Variants in LDB3 observed in about 807,000 individuals in gnomAD.
The protein encoded by LDB3 is LIM domain binding 3.
Under a neutral mutation model 69.0 loss-of-function variants are expected in LDB3, and 49 were observed. That is an observed-to-expected ratio of 0.71 (90% CI 0.56 to 0.90). The LOEUF is 0.90. Among genes scored for constraint, LDB3 ranks in the 40% least tolerant of loss-of-function variants. The pLI is 0.00. For missense variants in LDB3, 928 were observed against 974.1 expected (o/e 0.95, Z 0.63); for synonymous variants, 387 against 396.2 (o/e 0.98, Z 0.28).
intron 7 of LDB3, among the ~76,000 whole-genome samples, chr10:86,694,048 C>T (rs1038475068): frequency 6.6e-6 from 1 of 152,158 alleles, no homozygotes; most frequent in Admixed American, 6.5e-5. Flanking sequence ...TGCTTCCCTC[C>T]GATATGCAAG....
intron 2 of LDB3, among the ~76,000 whole-genome samples, chr10:86,669,085 C>T (rs1844317669): frequency 6.6e-6 from 1 of 152,190 alleles, no homozygotes; most frequent in African/African-American, 2.4e-5. Flanking sequence ...GAGAGTACAG[C>T]ACCTTCCTGA....
intron 7 of LDB3, among the ~76,000 whole-genome samples, chr10:86,703,835 C>T (rs778405286): frequency 5.3e-5 from 8 of 152,250 alleles, no homozygotes; most frequent in Non-Finnish European, 1.0e-4. Flanking sequence ...GACTCTTGGC[C>T]GGGTGCAGTG....
chr10:86,703,851 C>T lies in LDB3; in HGVS notation c.897-2680C>T, dbSNP rs551848631. On this transcript the variant is annotated intron_variant, in intron 7 of 13. Coordinates refer to ENST00000361373, the MANE Select transcript of LDB3 (RefSeq NM_007078.3). ...ACTCTTGGCCGGGTGCAGTGGCTCA[C>T]GCCTGTAATCCCAGCACTTTGGGAG... 1.6e-3 allele frequency among the ~76,000 whole-genome samples: 241 copies of T among 152,248 alleles called. 1 individual carries two copies. Among genetic ancestry groups the T allele is most frequent in the African/African-American group, 5.4e-3 (225 of 41,542 alleles).
chr10:86,679,543 G>A lies in LDB3; in HGVS notation c.245+25G>A, dbSNP rs768990587. 1.1e-5 allele frequency: 18 copies of A among 1,612,968 alleles called. 1 individual carries two copies. In the Admixed American group the frequency reaches 3.0e-4, roughly 27 times the overall value. On this transcript the variant is annotated intron_variant, in intron 3 of 13. Coordinates refer to ENST00000361373, the MANE Select transcript of LDB3 (RefSeq NM_007078.3). ...AGTAGGTGGGAGCTCTCCAGAGCAGGGGGCGGAGGTTTGGGTGTGGGCATG... is the reference window on the plus strand; with the variant it reads ...AGTAGGTGGGAGCTCTCCAGAGCAGAGGGCGGAGGTTTGGGTGTGGGCATG...
At chr10:86,715,199 C>T (rs902817299) in intron 9 of LDB3, among the ~76,000 whole-genome samples, 5 of 152,142 alleles carry the variant, frequency 3.3e-5, no homozygotes, top group Non-Finnish European at 1.5e-5. Context: ...GGTGCAGGGA[C>T]TGCCTCAATG....
chr10:86,703,081 G>A (rs2132450451), intron 7 of LDB3, among the ~76,000 whole-genome samples: 1 of 152,298 alleles, frequency 6.6e-6, no homozygotes, highest in South Asian at 2.1e-4. Context: ...CAGTGAATTG[G>A]AGCCAAGGAG....
At chr10:86,704,951 G>A (rs1846391738) in intron 7 of LDB3, among the ~76,000 whole-genome samples, 1 of 150,656 alleles carries the variant, frequency 6.6e-6, no homozygotes, top group Non-Finnish European at 1.5e-5. Flanking sequence ...CCCGACCTCA[G>A]GTGATCCACC....
intron 6 of LDB3, 140 bp from the exon 7 acceptor site, chr10:86,692,395 C>A (rs1845808726): frequency 4.4e-6 from 4 of 908,206 alleles, no homozygotes; most frequent in Non-Finnish European, 5.5e-6. Context: ...GGCCTCTGCC[C>A]AGCACACAGT....
intron 5 of LDB3, among the ~76,000 whole-genome samples, chr10:86,688,423 G>T (rs1161136026): frequency 1.3e-5 from 2 of 152,124 alleles, no homozygotes; most frequent in African/African-American, 2.4e-5. Flanking sequence ...AACAGTGTGG[G>T]CTCTCTGGGC....
At position 86,716,432 on chromosome 10, in the gene LDB3, C is replaced by T. The variant is rs200476126; in HGVS notation, c.1337C>T (p.Thr446Ile). 6 of 1,564,690 alleles carry T rather than the reference C, an allele frequency of 3.8e-6. No individual in the cohort carries two copies. The South Asian group carries it at 6.9e-5, about 18-fold the overall frequency. Residue 446 changes from threonine (T) to isoleucine (I), a missense_variant, in exon 10 of 14, where the codon ACC becomes ATC. By Grantham distance (89) the Thr-to-Ile change is moderately conservative (BLOSUM62 -1). Coordinates refer to ENST00000361373, the MANE Select transcript of LDB3 (RefSeq NM_007078.3). ...AYTPSPAPAYTPSPVPTYTPS... is the reference protein window; with the variant it reads ...AYTPSPAPAYIPSPVPTYTPS... ...ACCCCCTCCCCTGCCCCTGCCTACA[C>T]CCCCTCACCTGTCCCCACCTACACT...
chr10:86,730,025 C>A (rs552599299), intron 13 of LDB3, among the ~76,000 whole-genome samples: 1 of 152,166 alleles, frequency 6.6e-6, no homozygotes, highest in Non-Finnish European at 1.5e-5. Context: ...GGCCTCCACA[C>A]GAGCCTGGTT....
chr10:86,693,344 T>C (rs1845860572), intron 7 of LDB3, among the ~76,000 whole-genome samples: 1 of 152,222 alleles, frequency 6.6e-6, no homozygotes, highest in Non-Finnish European at 1.5e-5. Flanking sequence ...ATATGTCATC[T>C]GCATGTTCTT....
chr10:86,675,842 G>A (rs1844765666), intron 2 of LDB3, among the ~76,000 whole-genome samples: 1 of 152,220 alleles, frequency 6.6e-6, no homozygotes, highest in African/African-American at 2.4e-5. Flanking sequence ...CTGCAAAAAT[G>A]TCTATAATAA....
rs568500859 is a variant in LDB3, at chr10:86,711,354, G to A, written c.1231+1304G>A. 1.8e-3 allele frequency among the ~76,000 whole-genome samples: 269 copies of A among 152,120 alleles called. 1 individual carries two copies. The highest frequency in any genetic ancestry group is 5.9e-3 in the African/African-American group (247 of 41,532). ...GGGCTGGGGCCCAGGCGAGCGAGAC[G>A]GGCCGGAGCCGCGGGCCCCCGCGCC... On this transcript the variant is annotated intron_variant, in intron 9 of 13. Transcript: ENST00000361373.
At chr10:86,685,540 C>CT (rs1845419403) in intron 5 of LDB3, 1 of 836,482 alleles carries the variant, frequency 1.2e-6, no homozygotes, top group African/African-American at 1.7e-5. Flanking sequence ...CTCCTCACTC[C>CT]TTGCTCTCCT....
intron 12 of LDB3, among the ~76,000 whole-genome samples, chr10:86,723,524 GAA>G (rs1727907714): frequency 6.6e-6 from 1 of 152,146 alleles, no homozygotes; most frequent in African/African-American, 2.4e-5. Context: ...AGGTGTAAGA[GAA>G]AGTCCAGGGC....
intron 2 of LDB3, among the ~76,000 whole-genome samples, chr10:86,669,492 G>A (rs570678253): frequency 6.6e-6 from 1 of 152,254 alleles, no homozygotes; most frequent in Non-Finnish European, 1.5e-5. Context: ...AACATCAGGG[G>A]TTGTCTGAGT....
chr10:86,678,965 C>A (rs1226323489), intron 2 of LDB3, among the ~76,000 whole-genome samples: 2 of 152,166 alleles, frequency 1.3e-5, no homozygotes, highest in Admixed American at 6.5e-5. Context: ...TGGCTCAGAA[C>A]AACAAAAGTT....
At position 86,733,138 on chromosome 10, in the gene LDB3, C is replaced by G. The variant is rs1847534309; in HGVS notation, c.*162C>G. On this transcript the variant is annotated 3_prime_UTR_variant, in exon 14 of 14. Transcript: ENST00000361373. The stretch of plus-strand genomic sequence containing the variant: ...TAGGTTTTTTCTTCTGTACACAGAT[C>G]GTGCATTTGCATAGTTCAGACTAGG... The G allele has an allele frequency of 1.6e-6, 1 of 634,746 alleles. No individual in the cohort carries two copies. The highest frequency in any genetic ancestry group is 2.6e-5 in the Admixed American group (1 of 38,320). The allele number at this position is 634,746 out of a possible 1,614,324, so 39.3% of individuals were successfully genotyped here.
Sources: gnomAD v4.1 joint callset for allele counts (sites outside exome capture counted in the v4.1 genomes callset) on GRCh38, gnomAD v4.1.1 for gene constraint, MANE v1.5 for transcripts, NCBI Gene and HGNC (gene_info 2026-07-23, HGNC 2026-07-21) for gene names.